Variants in ST6GALNAC5 observed in about 807,000 individuals in gnomAD.
The protein encoded by ST6GALNAC5 is alpha-N-acetylgalactosaminide alpha-2,6-sialyltransferase 5.
ST6GALNAC5 carries 27 observed loss-of-function variants against 33.6 expected under a neutral mutation model. The ratio of observed to expected loss-of-function variants is 0.80; its 90% CI spans 0.59 to 1.11. The LOEUF (loss-of-function observed/expected upper bound fraction) is 1.11, where lower values mean the gene tolerates loss of function less well. Ranked by LOEUF, ST6GALNAC5 falls within the 50% of genes least tolerant of loss-of-function variation. ST6GALNAC5 has a pLI of 0.00. For missense variants in ST6GALNAC5, 428 were observed against 454.0 expected, an observed-to-expected ratio of 0.94 and a Z score of 0.52; for synonymous variants, 194 against 171.2, an observed-to-expected ratio of 1.13 and a Z score of -1.04.
intron 2 of ST6GALNAC5, among the ~76,000 whole-genome samples, chr1:76,998,039 T>G (rs1438182973): frequency 6.6e-6 from 1 of 152,190 alleles, no homozygotes; most frequent in Non-Finnish European, 1.5e-5. Flanking sequence ...CCTGCTGCCC[T>G]GCGAAGAGGT....
chr1:77,050,410 G>T, intron 4 of ST6GALNAC5, 45 bp downstream of exon 4: 1 of 1,558,414 alleles, frequency 6.4e-7, no homozygotes, highest in South Asian at 1.1e-5. Flanking sequence ...GTGTTGTGCA[G>T]GATTTATAAA....
chr1:76,908,166 C>T (rs1231912764), intron 2 of ST6GALNAC5, among the ~76,000 whole-genome samples: 1 of 152,070 alleles, frequency 6.6e-6, no homozygotes. Flanking sequence ...TTAGTATTTT[C>T]AGGCTGCTAT....
intron 2 of ST6GALNAC5, among the ~76,000 whole-genome samples, chr1:76,880,766 T>C (rs1447628337): frequency 6.6e-6 from 1 of 152,216 alleles, no homozygotes; most frequent in Non-Finnish European, 1.5e-5. Flanking sequence ...CCAGGATTAA[T>C]ACTTTGTATC....
chr1:77,053,420 C>T (rs1050211895), intron 4 of ST6GALNAC5, among the ~76,000 whole-genome samples: 1 of 152,154 alleles, frequency 6.6e-6, no homozygotes, highest in African/African-American at 2.4e-5. Context: ...TAGATATTTA[C>T]TCTCCTGGCA....
intron 2 of ST6GALNAC5, among the ~76,000 whole-genome samples, chr1:77,039,835 G>T (rs1010410815): frequency 6.6e-6 from 1 of 152,208 alleles, no homozygotes; most frequent in African/African-American, 2.4e-5. Flanking sequence ...CGGAGAGCCC[G>T]CTGGAGCCAC....
intron 2 of ST6GALNAC5, among the ~76,000 whole-genome samples, chr1:76,904,203 A>T (rs1251629684): frequency 2.0e-5 from 3 of 152,186 alleles, no homozygotes; most frequent in Non-Finnish European, 4.4e-5. Context: ...CCAGATGGTA[A>T]GAAGGGTGAA....
chr1:76,916,950 T>A (rs537608392), intron 2 of ST6GALNAC5, among the ~76,000 whole-genome samples: 1 of 152,284 alleles, frequency 6.6e-6, no homozygotes, highest in East Asian at 1.9e-4. Context: ...AGTACATTGG[T>A]AAATGATTAA....
intron 4 of ST6GALNAC5, among the ~76,000 whole-genome samples, chr1:77,052,296 A>G (rs1557775594): frequency 6.6e-6 from 1 of 152,200 alleles, no homozygotes; most frequent in Non-Finnish European, 1.5e-5. Context: ...GAAGGTTAAG[A>G]AGGAAGACCA....
At chr1:77,042,850 A>G (rs1229806421) in intron 2 of ST6GALNAC5, among the ~76,000 whole-genome samples, 1 of 152,156 alleles carries the variant, frequency 6.6e-6, no homozygotes, top group Non-Finnish European at 1.5e-5. Flanking sequence ...GAGATGAGAA[A>G]ACTGAGACTT....
chr1:76,880,170 G>C (rs970113095), intron 2 of ST6GALNAC5, among the ~76,000 whole-genome samples: 4 of 152,128 alleles, frequency 2.6e-5, no homozygotes, highest in African/African-American at 4.8e-5. Context: ...AAAGGTATTA[G>C]GTATAGTCAC....
intron 2 of ST6GALNAC5, among the ~76,000 whole-genome samples, chr1:76,965,193 G>A (rs957898007): frequency 9.0e-5 from 13 of 143,838 alleles, no homozygotes; most frequent in Non-Finnish European, 1.4e-4. Context: ...ACTGTCTTCC[G>A]CAATGGTGGA....
At chr1:76,969,112 C>T (rs1648625775) in intron 2 of ST6GALNAC5, among the ~76,000 whole-genome samples, 1 of 152,186 alleles carries the variant, frequency 6.6e-6, no homozygotes, top group Non-Finnish European at 1.5e-5. Context: ...CAACGCAGAA[C>T]ACGCATGATT....
chr1:77,001,084 G>T (rs1383451006), intron 2 of ST6GALNAC5, among the ~76,000 whole-genome samples: 1 of 151,992 alleles, frequency 6.6e-6, no homozygotes, highest in Non-Finnish European at 1.5e-5. Context: ...ACCTTGGCCA[G>T]TATGGTCATG....
chr1:76,898,073 C>CAG (rs1646771900), intron 2 of ST6GALNAC5, among the ~76,000 whole-genome samples: 1 of 152,196 alleles, frequency 6.6e-6, no homozygotes, highest in Admixed American at 6.5e-5. Context: ...AGGAGTCAGT[C>CAG]AGAGAGCCTT....
intron 2 of ST6GALNAC5, among the ~76,000 whole-genome samples, chr1:76,935,093 G>A (rs920780850): frequency 2.0e-5 from 3 of 152,026 alleles, no homozygotes; most frequent in African/African-American, 7.2e-5. Context: ...TGGTTCTATA[G>A]TATATTAGCC....
intron 2 of ST6GALNAC5, among the ~76,000 whole-genome samples, chr1:77,024,525 T>C (rs1333023810): frequency 6.6e-6 from 1 of 152,226 alleles, no homozygotes; most frequent in African/African-American, 2.4e-5. Context: ...GCCTGTGCCC[T>C]TTTCCAGCCT....
chr1:76,906,717 C>T (rs536557541), intron 2 of ST6GALNAC5, among the ~76,000 whole-genome samples: 4 of 152,180 alleles, frequency 2.6e-5, no homozygotes, highest in South Asian at 2.1e-4. Flanking sequence ...TTTGCTTAGA[C>T]GTGTGTATAA....
chr1:77,006,781 G>A (rs976043747), intron 2 of ST6GALNAC5, among the ~76,000 whole-genome samples: 7 of 152,126 alleles, frequency 4.6e-5, no homozygotes, highest in African/African-American at 1.4e-4. Flanking sequence ...ATACTGGGTG[G>A]CTCTTCTGGC....
intron 2 of ST6GALNAC5, among the ~76,000 whole-genome samples, chr1:76,934,610 G>C (rs958002193): frequency 1.3e-5 from 2 of 151,992 alleles, no homozygotes; most frequent in Admixed American, 6.6e-5. Context: ...TAGGTATTTT[G>C]TGACAGCTGC....
Sources: allele counts gnomAD v4.1 joint callset (sites outside exome capture counted in the v4.1 genomes callset), GRCh38; gene constraint gnomAD v4.1.1; transcripts MANE v1.5; gene names NCBI Gene and HGNC (gene_info 2026-07-23, HGNC 2026-07-21).